The following CCDC158 variants were observed in gnomAD, a reference collection of about 807,000 sequenced individuals.
CCDC158 encodes the protein coiled-coil domain containing 158.
A neutral mutation model predicts 138.6 loss-of-function variants in CCDC158; 116 were observed. That is an observed-to-expected ratio of 0.84 (90% CI 0.72 to 0.98). The LOEUF (loss-of-function observed/expected upper bound fraction) is 0.98, where lower values mean the gene tolerates loss of function less well. Among genes scored for constraint, CCDC158 ranks in the 50% least tolerant of loss-of-function variants. CCDC158 has a pLI of 0.00. For synonymous variants in CCDC158, 436 were observed against 442.4 expected, an observed-to-expected ratio of 0.99 and a Z score of 0.18; for missense variants, 1,265 against 1,306.1, an observed-to-expected ratio of 0.97 and a Z score of 0.48.
At chr4:76,408,439 T>A (rs1729016613) in intron 2 of CCDC158, among the ~76,000 whole-genome samples, 1 of 151,180 alleles carries the variant, frequency 6.6e-6, no homozygotes, top group Admixed American at 6.6e-5. Flanking sequence ...ATGCGGTGTT[T>A]GGTTTTTTGT....
intron 18 of CCDC158, chr4:76,344,597 T>G: frequency 7.6e-7 from 1 of 1,313,676 alleles, no homozygotes. Context: ...CGCTTCAGGT[T>G]GACATACCTG....
At chr4:76,355,981 C>G (rs1723523888) in intron 14 of CCDC158, among the ~76,000 whole-genome samples, 1 of 152,018 alleles carries the variant, frequency 6.6e-6, no homozygotes, top group African/African-American at 2.4e-5. Context: ...TTTTTATTCT[C>G]ATGATTGTTG....
intron 18 of CCDC158, among the ~76,000 whole-genome samples, chr4:76,337,965 G>A (rs1461924458): frequency 6.6e-6 from 1 of 152,162 alleles, no homozygotes; most frequent in Non-Finnish European, 1.5e-5. Context: ...ACAGCAGGAG[G>A]TGAGTGATGG....
intron 8 of CCDC158, among the ~76,000 whole-genome samples, chr4:76,381,667 T>C (rs1726257494): frequency 6.6e-6 from 1 of 152,162 alleles, no homozygotes; most frequent in Non-Finnish European, 1.5e-5. Flanking sequence ...TAGGGGACTG[T>C]TGAGAAGGGA....
At chr4:76,338,840 C>T (rs1473854936) in intron 18 of CCDC158, among the ~76,000 whole-genome samples, 1 of 152,132 alleles carries the variant, frequency 6.6e-6, no homozygotes, top group Non-Finnish European at 1.5e-5. Flanking sequence ...ACAAGAGAAC[C>T]CTAGCCAAAA....
At chr4:76,342,043 A>G (rs565446712) in intron 18 of CCDC158, among the ~76,000 whole-genome samples, 3 of 152,220 alleles carry the variant, frequency 2.0e-5, no homozygotes, top group South Asian at 2.1e-4. Flanking sequence ...GGCTGTCTGG[A>G]TAAGTCCTGC....
At chr4:76,376,310 T>C (rs1463567763) in intron 9 of CCDC158, among the ~76,000 whole-genome samples, 1 of 152,172 alleles carries the variant, frequency 6.6e-6, no homozygotes, top group Non-Finnish European at 1.5e-5. Context: ...GTAATCCTTC[T>C]GTCTCAGCCT....
Position 76,396,372 on chromosome 4 carries a change from T to A in CCDC158, c.185A>T (p.Asp62Val). ...PFFPKYEVEL[D>V]SPRKIIPSPG... is the part of the protein sequence containing the mutation. ...AGATGGGATGATTTTTCTAGGAGAA[T>A]CAAGTTCCACTTCATATTTAGGGAA... Residue 62 changes from aspartate to valine, a missense_variant, in exon 4 of 25, where the codon GAT (aspartate) becomes GTT (valine). Coordinates refer to ENST00000682701, the MANE Select transcript of CCDC158 (RefSeq NM_001394954.1). 1 of 1,613,908 alleles carries A rather than the reference T, an allele frequency of 6.2e-7. No homozygotes were observed. The highest frequency in any genetic ancestry group is 2.2e-5 in the East Asian group (1 of 44,850).
At chr4:76,356,436 G>A (rs574224830) in intron 14 of CCDC158, among the ~76,000 whole-genome samples, 5 of 152,128 alleles carry the variant, frequency 3.3e-5, no homozygotes, top group African/African-American at 1.2e-4. Context: ...GAACACAAGG[G>A]TTCTCTAGGT....
intron 22 of CCDC158, among the ~76,000 whole-genome samples, chr4:76,327,758 C>T (rs1478502318): frequency 1.3e-5 from 2 of 152,094 alleles, no homozygotes; most frequent in African/African-American, 2.4e-5. Context: ...TTATCTTTCT[C>T]CCATCTCTTT....
chr4:76,379,183 A>T, intron 9 of CCDC158, 107 bp downstream of exon 9: 1 of 536,656 alleles, frequency 1.9e-6, no homozygotes, highest in Non-Finnish European at 3.1e-6. Flanking sequence ...AACTGCTTTT[A>T]ATTTGAAATT....
chr4:76,378,779 A>T (rs145413754), intron 9 of CCDC158, among the ~76,000 whole-genome samples: 1 of 152,360 alleles, frequency 6.6e-6, no homozygotes, highest in East Asian at 1.9e-4. Flanking sequence ...AAAACAGAAT[A>T]TCAAATATTA....
intron 24 of CCDC158, among the ~76,000 whole-genome samples, chr4:76,320,842 A>G (rs1337348286): frequency 6.6e-6 from 1 of 152,160 alleles, no homozygotes; most frequent in Non-Finnish European, 1.5e-5. Flanking sequence ...TCTTGTAGAC[A>G]TTGGGTTAGA....
intron 10 of CCDC158, among the ~76,000 whole-genome samples, chr4:76,370,497 A>G (rs1162562868): frequency 3.9e-5 from 6 of 152,162 alleles, no homozygotes; most frequent in African/African-American, 1.4e-4. Flanking sequence ...TTGAACAGTG[A>G]CATCATCGGA....
chr4:76,351,878 A>G, intron 16 of CCDC158, 66 bp from the exon 17 acceptor site: 2 of 947,292 alleles, frequency 2.1e-6, no homozygotes, highest in South Asian at 1.4e-5. Context: ...TTATTAACCT[A>G]TGAATGCAGA....
At chr4:76,375,679 C>T (rs891166358) in intron 9 of CCDC158, 3 of 696,940 alleles carry the variant, frequency 4.3e-6, no homozygotes, top group Admixed American at 4.1e-5. Context: ...GGTCCAAATT[C>T]GTAAAGGGGA....
At chr4:76,316,900 CAAAAAAAA>C (rs77150446) in intron 24 of CCDC158, among the ~76,000 whole-genome samples, 118 of 62,632 alleles carry the variant, frequency 1.9e-3, no homozygotes, top group African/African-American at 6.1e-3. Flanking sequence ...CTTTTGCAGA[CAAAAAAAA>C]AAAAAAAAAA....
intron 1 of CCDC158, among the ~76,000 whole-genome samples, chr4:76,418,658 A>C (rs991914244): frequency 6.6e-6 from 1 of 152,178 alleles, no homozygotes; most frequent in Non-Finnish European, 1.5e-5. Context: ...TCCCCTTTAT[A>C]AAACCATCAG....
chr4:76,385,700 G>A (rs747792019), intron 4 of CCDC158, among the ~76,000 whole-genome samples: 12 of 151,794 alleles, frequency 7.9e-5, no homozygotes, highest in African/African-American at 2.4e-4. Context: ...GAAAGGAAAC[G>A]GCCAAAGAAA....
Sources: allele counts gnomAD v4.1 joint callset (sites outside exome capture counted in the v4.1 genomes callset), GRCh38; gene constraint gnomAD v4.1.1; transcripts MANE v1.5; gene names NCBI Gene and HGNC (gene_info 2026-07-23, HGNC 2026-07-21).